Variants in SYNE1 observed in about 807,000 individuals in gnomAD.
The protein encoded by SYNE1 is spectrin repeat containing nuclear envelope protein 1.
In SYNE1, 616 loss-of-function variants were observed where a neutral mutation model predicts 1,111.0. That is an observed-to-expected ratio of 0.55 (90% CI 0.52 to 0.59). The LOEUF is 0.59. Among genes scored for constraint, SYNE1 ranks in the 20% least tolerant of loss-of-function variants. The pLI is 0.00. For synonymous variants in SYNE1, 3,855 were observed against 3,825.8 expected, an observed-to-expected ratio of 1.01 and a Z score of -0.28; for missense variants, 10,006 against 10,417.0, an observed-to-expected ratio of 0.96 and a Z score of 1.72.
chr6:152,321,091 C>G, intron 84 of SYNE1, 147 bp downstream of exon 84: 2 of 863,150 alleles, frequency 2.3e-6, no homozygotes, highest in Non-Finnish European at 3.5e-6. Flanking sequence ...AAAAAGACTT[C>G]TAATTTAATA....
At chr6:152,339,518 C>T in intron 74 of SYNE1, 152 bp from the exon 75 acceptor site, 1 of 1,147,232 alleles carries the variant, frequency 8.7e-7, no homozygotes, top group East Asian at 2.7e-5. Context: ...ATATTAGTGA[C>T]TCACAGGAAA....
At chr6:152,167,494 T>TA (rs1255301276) in intron 130 of SYNE1, among the ~76,000 whole-genome samples, 69 of 152,194 alleles carry the variant, frequency 4.5e-4, no homozygotes, top group African/African-American at 1.5e-3. Flanking sequence ...TTATTCTAAC[T>TA]GAAAAAAATC....
At chr6:152,442,731 G>C (rs1207817773) in intron 30 of SYNE1, among the ~76,000 whole-genome samples, 1 of 152,130 alleles carries the variant, frequency 6.6e-6, no homozygotes, top group Non-Finnish European at 1.5e-5. Context: ...GGACTGTTTG[G>C]GGCCAAAAGC....
chr6:152,321,786 G>T lies in SYNE1; in HGVS notation c.16018C>A (p.Gln5340Lys). 1 of 1,613,936 alleles carries T rather than the reference G, an allele frequency of 6.2e-7. No homozygotes were observed. Among genetic ancestry groups the T allele is most frequent in the Non-Finnish European group, 8.5e-7 (1 of 1,179,966 alleles). ...TTCCCTAAATATTCTTTCGTTTCCT[G>T]AACCCAACATTTCACAGAATTGATC... is the stretch of plus-strand genomic sequence containing the variant. ...TQINSVKCWV[Q>K]ETKEYLGNPT... is the part of the protein sequence containing the mutation. The change falls in exon 83 of 146, where the codon CAG (glutamine) becomes AAG (lysine). Residue 5340 changes from glutamine (Q) to lysine (K), a missense_variant. Physicochemically the swap from Gln to Lys is moderately conservative, Grantham distance 53. Around this residue, in one of 7 missense-constraint regions of SYNE1, gnomAD observed 4,955 missense variants for 5,017.2 expected, o/e 0.99. Transcript: ENST00000367255.
At chr6:152,497,676 C>G (rs931254267) in intron 11 of SYNE1, among the ~76,000 whole-genome samples, 2 of 152,202 alleles carry the variant, frequency 1.3e-5, no homozygotes, top group African/African-American at 4.8e-5. Context: ...TAGTAAATGA[C>G]TTTCTAATGG....
intron 138 of SYNE1, 138 bp from the exon 139 acceptor site, chr6:152,141,467 G>T: frequency 8.6e-7 from 1 of 1,166,140 alleles, no homozygotes. Flanking sequence ...CTAAAAATAA[G>T]CCAAGATGGC....
Position 152,262,134 on chromosome 6 carries a change from G to A in SYNE1, c.18870C>T (p.Ser6290=), listed in dbSNP as rs138173087. Residue 6290 remains serine (S), a synonymous_variant, in exon 101 of 146, where the codon TCC becomes TCT. Transcript: ENST00000367255. ...QELGMEGEKS[S]AEDQMRMKWE... is the part of the protein sequence containing the mutation. The stretch of plus-strand genomic sequence containing the variant: ...ATTTCATTCTCATCTGGTCTTCAGC[G>A]GATGATTTCTCCCCTTCCATCCCCA... 305 of 1,613,322 alleles carry A rather than the reference G, an allele frequency of 1.9e-4. No homozygotes were observed. Among genetic ancestry groups the A allele is most frequent in the African/African-American group, 1.5e-4 (11 of 74,830 alleles).
chr6:152,320,062 G>T (rs2095836196), intron 84 of SYNE1: 1 of 152,178 alleles, frequency 6.6e-6, no homozygotes, highest in African/African-American at 2.4e-5. Context: ...TACTTGGGAG[G>T]CTGAGGCACG....
At chr6:152,449,833 A>G (rs1236480471) in intron 27 of SYNE1, among the ~76,000 whole-genome samples, 192 bp from the exon 28 acceptor site, 1 of 152,180 alleles carries the variant, frequency 6.6e-6, no homozygotes, top group Non-Finnish European at 1.5e-5. Context: ...CTCTATGCTC[A>G]GTTACTAGGG....
At position 152,404,141 on chromosome 6, in the gene SYNE1, A is replaced by G. The variant is rs1006250308; in HGVS notation, c.6825+72T>C. ...TACACACACACACACACACACAGAG[A>G]CAGAGAAAGTCTAGTATATGGTAGT... is the stretch of plus-strand genomic sequence containing the variant. On this transcript the variant is annotated intron_variant, in intron 46 of 145. Transcript: ENST00000367255. 1.1e-4 allele frequency: 110 copies of G among 972,608 alleles called. 1 individual carries two copies. The South Asian group carries it at 1.4e-3, about 12-fold the overall frequency. The allele number at this position is 972,608 out of a possible 1,614,324, so 60.2% of individuals were successfully genotyped here.
At chr6:152,354,443 A>C (rs2096798555) in intron 67 of SYNE1, among the ~76,000 whole-genome samples, 1 of 152,222 alleles carries the variant, frequency 6.6e-6, no homozygotes, top group African/African-American at 2.4e-5. Context: ...AGAAAATATA[A>C]AATGGTTACA....
intron 58 of SYNE1, among the ~76,000 whole-genome samples, chr6:152,374,188 A>G (rs1161971680): frequency 6.6e-6 from 1 of 152,234 alleles, no homozygotes; most frequent in African/African-American, 2.4e-5. Flanking sequence ...GTGTAGCTAC[A>G]GTATATACTT....
rs2094722191 is a variant in SYNE1 at position 152,293,728 on chromosome 6, G to C, written c.17872C>G (p.Leu5958Val). Reference protein sequence around the residue: ...KNVISEKQRTLYEALERQQKY... With the variant: ...KNVISEKQRTVYEALERQQKY... Reference sequence around the variant, plus strand: ...TGCTGGCGTTCCAAAGCTTCATAGAGTGTGCGCTGCTTCTCACTGATCTAC... The same window carrying C: ...TGCTGGCGTTCCAAAGCTTCATAGACTGTGCGCTGCTTCTCACTGATCTAC... The change falls in exon 95 of 146, where the codon CTC becomes GTC. Residue 5958 changes from leucine to valine, a missense_variant. Transcript: ENST00000367255. 1.9e-6 allele frequency: 3 copies of C among 1,581,108 alleles called. No homozygotes were observed. Among genetic ancestry groups the C allele is most frequent in the Non-Finnish European group, 2.6e-6 (3 of 1,164,914 alleles).
intron 4 of SYNE1, among the ~76,000 whole-genome samples, chr6:152,535,491 A>T (rs2099230523): frequency 6.6e-6 from 1 of 152,134 alleles, no homozygotes; most frequent in Non-Finnish European, 1.5e-5. Flanking sequence ...TTCTATATTG[A>T]AAAGAAGCTC....
chr6:152,215,731 G>A (rs2078478344), intron 121 of SYNE1, among the ~76,000 whole-genome samples: 1 of 152,144 alleles, frequency 6.6e-6, no homozygotes, highest in Admixed American at 6.5e-5. Context: ...TCCTCAAAAC[G>A]ATCACATAAG....
intron 3 of SYNE1, among the ~76,000 whole-genome samples, chr6:152,544,463 G>A (rs1480326510): frequency 1.3e-5 from 2 of 151,962 alleles, no homozygotes; most frequent in African/African-American, 4.8e-5. Context: ...ACAGGCCTCA[G>A]GAATTGGAGT....
At chr6:152,125,571 T>C in intron 145 of SYNE1, 1 of 513,012 alleles carries the variant, frequency 1.9e-6, no homozygotes, top group Non-Finnish European at 3.2e-6. Context: ...CTTCAAAACA[T>C]CCTTCCCCTG....
intron 97 of SYNE1, among the ~76,000 whole-genome samples, chr6:152,280,631 A>G (rs2093974361): frequency 6.6e-6 from 1 of 152,230 alleles, no homozygotes; most frequent in South Asian, 2.1e-4. Context: ...TTTATGTGTT[A>G]CAATAAAAAC....
chr6:152,455,399 C>G, intron 24 of SYNE1, 27 bp downstream of exon 24: 1 of 1,607,324 alleles, frequency 6.2e-7, no homozygotes, highest in Non-Finnish European at 8.5e-7. Context: ...GTATTCAGGT[C>G]AAGTGTCCCC....
Sources: gnomAD v4.1 joint callset for allele counts (sites outside exome capture counted in the v4.1 genomes callset) on GRCh38, gnomAD v4.1.1 for gene constraint, gnomAD v4.1.1 regional missense constraint, MANE v1.5 for transcripts, NCBI Gene and HGNC (gene_info 2026-07-23, HGNC 2026-07-21) for gene names.